Variants in CADM2 observed in about 807,000 individuals in gnomAD.
CADM2 encodes immunoglobulin superfamily member 4D.
Under a neutral mutation model 49.8 loss-of-function variants are expected in CADM2, and 12 were observed. The ratio of observed to expected loss-of-function variants is 0.24; its 90% CI spans 0.15 to 0.39. CADM2 has a LOEUF of 0.39. CADM2 is among the 10% of genes least tolerant of loss of function. The pLI, the probability that CADM2 is intolerant of heterozygous loss-of-function variation, is 1.00. For synonymous variants in CADM2, 214 were observed against 175.4 expected (o/e 1.22, Z -1.74); for missense variants, 378 against 492.3 (o/e 0.77, Z 2.20).
chr3:85,731,842 T>G (rs1260436320), intron 2 of CADM2, among the ~76,000 whole-genome samples: 6 of 152,044 alleles, frequency 3.9e-5, no homozygotes, highest in African/African-American at 1.2e-4. Context: ...ATACTTAAAA[T>G]GTAAAAATAT....
At chr3:85,070,595 CGAAA>C (rs1374996621) in intron 1 of CADM2, among the ~76,000 whole-genome samples, 2 of 151,756 alleles carry the variant, frequency 1.3e-5, no homozygotes, top group Non-Finnish European at 2.9e-5. Context: ...AGCTATAAAA[CGAAA>C]GAAAGTTAAA....
chr3:85,070,718 G>A (rs2036699755), intron 1 of CADM2, among the ~76,000 whole-genome samples: 1 of 151,898 alleles, frequency 6.6e-6, no homozygotes, highest in Admixed American at 6.6e-5. Flanking sequence ...TCAGGCCAGG[G>A]GCAGTGGATC....
chr3:85,528,793 C>G (rs1460563805), intron 1 of CADM2, among the ~76,000 whole-genome samples: 1 of 152,176 alleles, frequency 6.6e-6, no homozygotes, highest in African/African-American at 2.4e-5. Flanking sequence ...TTTAGAGAGT[C>G]ACTACTAGTG....
chr3:85,658,240 G>A (rs1559575021), intron 1 of CADM2, among the ~76,000 whole-genome samples: 1 of 151,970 alleles, frequency 6.6e-6, no homozygotes, highest in Non-Finnish European at 1.5e-5. Context: ...AACCTAGGGA[G>A]AATGCCATGT....
At chr3:86,023,378 T>C (rs564165737) in intron 8 of CADM2, among the ~76,000 whole-genome samples, 87 of 151,204 alleles carry the variant, frequency 5.8e-4, no homozygotes, top group African/African-American at 2.1e-3. Context: ...GTTTGTTTTG[T>C]TTTGTTTTGT....
At chr3:85,621,150 T>A (rs2063964136) in intron 1 of CADM2, among the ~76,000 whole-genome samples, 1 of 152,152 alleles carries the variant, frequency 6.6e-6, no homozygotes. Context: ...GCACAATTAT[T>A]TTCTAGTTAC....
intron 7 of CADM2, among the ~76,000 whole-genome samples, chr3:85,960,700 T>C (rs956629640): frequency 3.9e-5 from 6 of 151,968 alleles, no homozygotes; most frequent in African/African-American, 1.4e-4. Flanking sequence ...GGGGAATCTA[T>C]GGTTCATTTA....
intron 1 of CADM2, among the ~76,000 whole-genome samples, chr3:85,358,813 T>C (rs1377560252): frequency 6.6e-6 from 1 of 152,138 alleles, no homozygotes; most frequent in East Asian, 1.9e-4. Flanking sequence ...TGGATAACTT[T>C]AAGAGGTTGT....
intron 1 of CADM2, among the ~76,000 whole-genome samples, chr3:85,402,930 T>C (rs2035188269): frequency 6.6e-6 from 1 of 152,128 alleles, no homozygotes; most frequent in Admixed American, 6.6e-5. Context: ...GATATAGATA[T>C]ACAGTCCATC....
intron 1 of CADM2, among the ~76,000 whole-genome samples, chr3:85,568,612 C>CTTT (rs1234630468): frequency 9.0e-6 from 1 of 111,066 alleles, no homozygotes. Flanking sequence ...TCCTCTCTTT[C>CTTT]TTTTTTTTTT....
intron 8 of CADM2, chr3:86,012,960 G>A (rs1731733833): frequency 1.4e-6 from 1 of 725,614 alleles, no homozygotes; most frequent in Non-Finnish European, 2.4e-6. Context: ...GGGCGACAGC[G>A]AGACTCCATC....
intron 1 of CADM2, among the ~76,000 whole-genome samples, chr3:85,296,814 G>A (rs563865103): frequency 6.6e-6 from 1 of 152,046 alleles, no homozygotes; most frequent in East Asian, 1.9e-4. Context: ...ACAGATAGAG[G>A]TGTATACCCT....
chr3:85,077,476 G>T (rs1363598125), intron 1 of CADM2, among the ~76,000 whole-genome samples: 2 of 151,820 alleles, frequency 1.3e-5, no homozygotes, highest in Admixed American at 6.6e-5. Flanking sequence ...TTGTAATTTT[G>T]TATGTGCACT....
intron 1 of CADM2, among the ~76,000 whole-genome samples, chr3:85,533,698 G>A (rs141540118): frequency 6.6e-6 from 1 of 152,132 alleles, no homozygotes; most frequent in Non-Finnish European, 1.5e-5. Flanking sequence ...GGGCATGAAA[G>A]AAATTATTAC....
At chr3:85,650,814 A>T (rs1305074322) in intron 1 of CADM2, among the ~76,000 whole-genome samples, 3 of 150,906 alleles carry the variant, frequency 2.0e-5, no homozygotes, top group African/African-American at 7.3e-5. Flanking sequence ...TTTTGTTTAA[A>T]TTTATAAAGC....
intron 8 of CADM2, among the ~76,000 whole-genome samples, chr3:86,052,563 T>C (rs557478151): frequency 1.3e-5 from 2 of 152,228 alleles, no homozygotes; most frequent in African/African-American, 4.8e-5. Flanking sequence ...AGAATTTAAG[T>C]CCAGTGCTTT....
intron 1 of CADM2, among the ~76,000 whole-genome samples, chr3:85,381,650 T>C (rs1395263490): frequency 1.3e-5 from 2 of 151,642 alleles, no homozygotes; most frequent in East Asian, 3.9e-4. Flanking sequence ...CAGCAAGATA[T>C]GATTATAATA....
At chr3:85,666,735 G>A (rs755889999) in intron 1 of CADM2, among the ~76,000 whole-genome samples, 2 of 151,680 alleles carry the variant, frequency 1.3e-5, no homozygotes, top group Non-Finnish European at 2.9e-5. Flanking sequence ...CAACTGTCCC[G>A]TGAAGATCTT....
At chr3:85,344,988 A>G (rs2030427500) in intron 1 of CADM2, among the ~76,000 whole-genome samples, 1 of 152,098 alleles carries the variant, frequency 6.6e-6, no homozygotes, top group Non-Finnish European at 1.5e-5. Flanking sequence ...TCTGATACAT[A>G]TGGTAGCTCA....
Sources: allele counts gnomAD v4.1 joint callset (sites outside exome capture counted in the v4.1 genomes callset), GRCh38; gene constraint gnomAD v4.1.1; transcripts MANE v1.5; gene names NCBI Gene and HGNC (gene_info 2026-07-23, HGNC 2026-07-21).